ASF1A: variants seen among roughly 807,000 people sequenced by gnomAD.
ASF1A encodes the protein histone chaperone ASF1A.
A neutral mutation model predicts 22.0 loss-of-function variants in ASF1A; 5 were observed. That is an observed-to-expected ratio of 0.23 (90% CI 0.12 to 0.48). The LOEUF is 0.48. Ranked by LOEUF, ASF1A falls within the 20% of genes least tolerant of loss-of-function variation. ASF1A has a pLI of 0.99. For synonymous variants in ASF1A, 97 were observed against 86.7 expected (o/e 1.12, Z -0.66); for missense variants, 137 against 240.6 (o/e 0.57, Z 2.85).
intron 2 of ASF1A, chr6:118,901,184 T>C (rs1779778241): frequency 4.5e-6 from 1 of 222,754 alleles, no homozygotes; most frequent in Non-Finnish European, 8.8e-6. Flanking sequence ...TTCCTGTGAA[T>C]AGCACCTCAG....
In ASF1A at chr6:118,894,238, A is replaced by T. The variant is rs11542663; in HGVS notation, c.-176A>T. The stretch of plus-strand genomic sequence containing the variant: ...GTTTAGTGAAATAGGAAAGCTGCAA[A>T]ACACTGTGGAGTGCTCCCGTGTAAA... On this transcript the variant is annotated 5_prime_UTR_variant, in exon 1 of 4. Coordinates refer to ENST00000229595, the MANE Select transcript of ASF1A (RefSeq NM_014034.3). 1.4e-6 allele frequency: 2 copies of T among 1,429,210 alleles called. No individual in the cohort carries two copies. Among genetic ancestry groups the T allele is most frequent in the East Asian group, 5.1e-5 (2 of 39,504 alleles). 88.5% of individuals were successfully genotyped at this position (1,429,210 alleles called of 1,614,324 possible). A position where few individuals can be genotyped will look rare whatever the true frequency, so the allele number is the denominator to read the frequency against.
intron 2 of ASF1A, among the ~76,000 whole-genome samples, chr6:118,901,194 G>GTT (rs1779779028): frequency 6.6e-6 from 1 of 152,180 alleles, no homozygotes; most frequent in Admixed American, 6.5e-5. Flanking sequence ...TAGCACCTCA[G>GTT]TATCAGACTT....
At chr6:118,905,954 A>C in intron 3 of ASF1A, 126 bp downstream of exon 3, 1 of 613,092 alleles carries the variant, frequency 1.6e-6, no homozygotes, top group Non-Finnish European at 2.7e-6. Flanking sequence ...TCCTTATGCC[A>C]ACTGGGCAAA....
chr6:118,897,262 AG>A (rs1243547760), intron 1 of ASF1A, among the ~76,000 whole-genome samples: 23 of 152,294 alleles, frequency 1.5e-4, no homozygotes, highest in Non-Finnish European at 1.5e-4. Flanking sequence ...TTCCTTTAAG[AG>A]CTGCCCTGTA....
intron 1 of ASF1A, among the ~76,000 whole-genome samples, chr6:118,898,724 T>C (rs570278914): frequency 6.6e-6 from 1 of 152,356 alleles, no homozygotes; most frequent in East Asian, 1.9e-4. Context: ...AGCCACTCTA[T>C]GTGATAATTC....
In ASF1A at chr6:118,896,180, G is replaced by T. The variant is rs550449334; in HGVS notation, c.109+1658G>T. Among the ~76,000 whole-genome samples the T allele has an allele frequency of 5.3e-5, 8 of 151,668 alleles. No homozygotes were observed. In the South Asian group the frequency reaches 1.7e-3, roughly 31 times the overall value. Reference sequence around the variant, plus strand: ...TAAGGGGTATTTTTCTTATTACTCTGAAGTCATTTGATTACTCTCCTATGA... The same window carrying T: ...TAAGGGGTATTTTTCTTATTACTCTTAAGTCATTTGATTACTCTCCTATGA... On this transcript the variant is annotated intron_variant, in intron 1 of 3. Coordinates refer to ENST00000229595, the MANE Select transcript of ASF1A (RefSeq NM_014034.3).
intron 1 of ASF1A, among the ~76,000 whole-genome samples, chr6:118,895,024 T>C (rs1371687331): frequency 6.6e-6 from 1 of 152,082 alleles, no homozygotes; most frequent in Admixed American, 6.5e-5. Flanking sequence ...GCCGCCCGCC[T>C]GCCCCCGGCG....
At chr6:118,902,554 A>G (rs984553464) in intron 2 of ASF1A, among the ~76,000 whole-genome samples, 8 of 123,238 alleles carry the variant, frequency 6.5e-5, no homozygotes, top group Non-Finnish European at 1.1e-4. Context: ...TTTGGCTACT[A>G]TAAGAACTTA....
chr6:118,898,138 C>T (rs905096818), intron 1 of ASF1A, among the ~76,000 whole-genome samples: 1 of 152,154 alleles, frequency 6.6e-6, no homozygotes, highest in African/African-American at 2.4e-5. Context: ...CTTTGATGTA[C>T]AAATTATGAA....
In ASF1A at chr6:118,899,238, T is replaced by C. The variant is rs114175859; in HGVS notation, c.110-1528T>C. ...TCCTTTTAAAATGAAAGTTGGCTCC[T>C]GTTACTGCTCTGCTCAAAACCCTTC... is the stretch of plus-strand genomic sequence containing the variant. On this transcript the variant is annotated intron_variant, in intron 1 of 3. Transcript: ENST00000229595. Among the ~76,000 whole-genome samples, 793 of 152,358 alleles carry C rather than the reference T, an allele frequency of 5.2e-3. 6 individuals are homozygous for C. Among genetic ancestry groups the C allele is most frequent in the African/African-American group, 0.017 (717 of 41,584 alleles).
chr6:118,896,320 G>C (rs1779408927), intron 1 of ASF1A, among the ~76,000 whole-genome samples: 1 of 152,016 alleles, frequency 6.6e-6, no homozygotes, highest in African/African-American at 2.4e-5. Flanking sequence ...CCATTGATCG[G>C]TCCATTCCAA....
chr6:118,904,399 C>T (rs1458354249), intron 2 of ASF1A, among the ~76,000 whole-genome samples: 1 of 152,204 alleles, frequency 6.6e-6, no homozygotes, highest in East Asian at 1.9e-4. Context: ...AAGTGCTCAT[C>T]TAGGCCCAGG....
chr6:118,905,622 T>C, intron 2 of ASF1A, 30 bp from the exon 3 acceptor site: 1 of 1,559,302 alleles, frequency 6.4e-7, no homozygotes, highest in African/African-American at 1.4e-5. Context: ...TTTGTGTGTG[T>C]GTGTTTCTTT....
At chr6:118,902,528 C>CTTTTT (rs33980013) in intron 2 of ASF1A, among the ~76,000 whole-genome samples, 1 of 131,520 alleles carries the variant, frequency 7.6e-6, no homozygotes, top group Non-Finnish European at 1.6e-5. Context: ...ACTGATAATA[C>CTTTTT]TTTTTTTTTT....
At chr6:118,894,842 C>G (rs929233092) in intron 1 of ASF1A, among the ~76,000 whole-genome samples, 33 of 152,226 alleles carry the variant, frequency 2.2e-4, no homozygotes, top group Admixed American at 1.4e-3. Flanking sequence ...GAGGTCGCGC[C>G]GGGCTGGCTC....
intron 1 of ASF1A, 38 bp downstream of exon 1, chr6:118,894,560 G>T (rs759373405): frequency 6.7e-7 from 1 of 1,490,320 alleles, no homozygotes; most frequent in Non-Finnish European, 9.1e-7. Flanking sequence ...TGTCAGTTGC[G>T]GGCTGCAGAC....
At chr6:118,904,115 T>C (rs1415317696) in intron 2 of ASF1A, among the ~76,000 whole-genome samples, 1 of 152,198 alleles carries the variant, frequency 6.6e-6, no homozygotes, top group Non-Finnish European at 1.5e-5. Context: ...ATATCTGTGT[T>C]AATGCTGGTA....
intron 3 of ASF1A, among the ~76,000 whole-genome samples, 172 bp downstream of exon 3, chr6:118,906,000 C>T (rs1780152976): frequency 6.6e-6 from 1 of 152,186 alleles, no homozygotes. Context: ...TGACTTCAAA[C>T]CCTACCTTCA....
rs1350260441 is a variant in ASF1A, at chr6:118,894,295, G to C, written c.-119G>C. 1.1e-5 allele frequency: 16 copies of C among 1,483,882 alleles called. No homozygotes were observed. Among genetic ancestry groups the C allele is most frequent in the Non-Finnish European group, 1.3e-5 (15 of 1,122,380 alleles). The allele number at this position is 1,483,882 out of a possible 1,614,324, so 91.9% of individuals were successfully genotyped here. A position where few individuals can be genotyped will look rare whatever the true frequency, so the allele number is the denominator to read the frequency against. The stretch of plus-strand genomic sequence containing the variant: ...GAGGAAAAAAGTTTCTCAAGTCGCC[G>C]CTGCACGACGTCTGGCCGGCGCTGG... On this transcript the variant is annotated 5_prime_UTR_variant, in exon 1 of 4. Transcript: ENST00000229595.
Sources: gnomAD v4.1 joint callset for allele counts (sites outside exome capture counted in the v4.1 genomes callset) on GRCh38, gnomAD v4.1.1 for gene constraint, MANE v1.5 for transcripts, NCBI Gene and HGNC (gene_info 2026-07-23, HGNC 2026-07-21) for gene names.